Variants in REDIC1 observed in about 807,000 individuals in gnomAD.
REDIC1 encodes regulator of DNA class I crossover intermediates 1, also known as HEI10 Interacting Protein 1.
chr12:39,782,633 T>C, the REDIC1 span, among the ~76,000 whole-genome samples: 1 of 152,194 alleles, frequency 6.6e-6, no homozygotes, highest in Non-Finnish European at 1.5e-5. Flanking sequence ...GCTGAAAAGA[T>C]ACCCGAAAAT....
the REDIC1 span, among the ~76,000 whole-genome samples, chr12:39,719,525 A>G: frequency 6.6e-6 from 1 of 151,986 alleles, no homozygotes; most frequent in African/African-American, 2.4e-5. Flanking sequence ...GAGGTGGGAG[A>G]ATCACCTGAG....
the REDIC1 span, among the ~76,000 whole-genome samples, chr12:39,869,166 CAACT>C: frequency 1.3e-5 from 2 of 152,064 alleles, no homozygotes; most frequent in African/African-American, 4.8e-5. Context: ...AATAAAAATA[CAACT>C]AACACAGAAT....
At chr12:39,818,903 G>C in the REDIC1 span, among the ~76,000 whole-genome samples, 1 of 152,160 alleles carries the variant, frequency 6.6e-6, no homozygotes, top group South Asian at 2.1e-4. Context: ...ATTGTCCCAA[G>C]CAGAATTCCG....
the REDIC1 span, among the ~76,000 whole-genome samples, chr12:39,808,703 G>T: frequency 2.6e-5 from 4 of 151,928 alleles, no homozygotes; most frequent in Non-Finnish European, 5.9e-5. Context: ...ATATCTATGT[G>T]CTTATTTGCC....
chr12:39,629,200 G>C, the REDIC1 span, among the ~76,000 whole-genome samples: 130,243 of 152,178 alleles, frequency 0.86, 55,908 homozygotes, highest in African/African-American at 0.88. Context: ...GGAGATCTAG[G>C]TTTCAGCAAG....
At chr12:39,861,524 T>C in the REDIC1 span, among the ~76,000 whole-genome samples, 1 of 152,222 alleles carries the variant, frequency 6.6e-6, no homozygotes, top group Admixed American at 6.5e-5. Context: ...CGTCAAGTAT[T>C]TGAGGGAAGC....
chr12:39,738,573 G>A, the REDIC1 span, among the ~76,000 whole-genome samples: 1 of 152,212 alleles, frequency 6.6e-6, no homozygotes, highest in Non-Finnish European at 1.5e-5. Flanking sequence ...TCCACAGAAG[G>A]TGGAGTCTAA....
chr12:39,829,299 A>T, the REDIC1 span: 1 of 149,646 alleles, frequency 6.7e-6, no homozygotes, highest in East Asian at 2.0e-4. Context: ...ACCAAATTTT[A>T]TCCTTATTTT....
chr12:39,714,209 G>T, the REDIC1 span, among the ~76,000 whole-genome samples: 86 of 71,652 alleles, frequency 1.2e-3, 15 homozygotes, highest in East Asian at 0.027. Context: ...GTATATACAT[G>T]CATATACGTA....
the REDIC1 span, among the ~76,000 whole-genome samples, chr12:39,808,046 G>C: frequency 6.6e-6 from 1 of 152,104 alleles, no homozygotes; most frequent in Non-Finnish European, 1.5e-5. Flanking sequence ...TTTTGACAAT[G>C]TATAAATCCA....
chr12:39,635,874 A>ACTACTTACAAT, the REDIC1 span, among the ~76,000 whole-genome samples: 1 of 152,122 alleles, frequency 6.6e-6, no homozygotes, highest in South Asian at 2.1e-4. Context: ...ATGTCTAGCT[A>ACTACTTACAAT]CCTGTAAGAC....
At chr12:39,710,856 A>C in the REDIC1 span, among the ~76,000 whole-genome samples, 2 of 150,948 alleles carry the variant, frequency 1.3e-5, no homozygotes, top group Admixed American at 6.6e-5. Context: ...GCCTTACATA[A>C]AGTAGTTACT....
At chr12:39,747,846 G>A in the REDIC1 span, among the ~76,000 whole-genome samples, 1 of 152,136 alleles carries the variant, frequency 6.6e-6, no homozygotes, top group East Asian at 1.9e-4. Context: ...AAGTGAAGGA[G>A]AAATCAAATC....
At chr12:39,819,049 C>G in the REDIC1 span, among the ~76,000 whole-genome samples, 1 of 152,062 alleles carries the variant, frequency 6.6e-6, no homozygotes, top group African/African-American at 2.4e-5. Flanking sequence ...CCGCTTGCAC[C>G]CCACAGAAGG....
the REDIC1 span, among the ~76,000 whole-genome samples, chr12:39,890,453 A>G: frequency 1.3e-5 from 2 of 152,184 alleles, no homozygotes; most frequent in East Asian, 3.8e-4. Flanking sequence ...AATGTTGCTC[A>G]TCAATTGACC....
the REDIC1 span, among the ~76,000 whole-genome samples, chr12:39,630,624 A>C: frequency 4.6e-5 from 7 of 152,320 alleles, no homozygotes; most frequent in African/African-American, 1.4e-4. Flanking sequence ...TCAGAGGCCA[A>C]AATAGGATAT....
the REDIC1 span, among the ~76,000 whole-genome samples, chr12:39,714,224 C>T: frequency 3.3e-5 from 1 of 30,418 alleles, no homozygotes; most frequent in African/African-American, 8.2e-5. Context: ...TACGTATATG[C>T]ATGCATATAT....
At chr12:39,828,049 C>T in the REDIC1 span, among the ~76,000 whole-genome samples, 2 of 152,036 alleles carry the variant, frequency 1.3e-5, no homozygotes, top group African/African-American at 2.4e-5. Context: ...AATCTATCAA[C>T]CAAACCACCA....
At chr12:39,666,817 T>G in the REDIC1 span, among the ~76,000 whole-genome samples, 3 of 152,194 alleles carry the variant, frequency 2.0e-5, no homozygotes, top group East Asian at 1.9e-4. Flanking sequence ...GTCGAGGAAT[T>G]TATCCTTTTC....
Sources: allele counts gnomAD v4.1 joint callset (sites outside exome capture counted in the v4.1 genomes callset), GRCh38; gene constraint gnomAD v4.1.1; transcripts MANE v1.5; gene names NCBI Gene and HGNC (gene_info 2026-07-23, HGNC 2026-07-21).